HSPG2: variants seen among roughly 807,000 people sequenced by gnomAD.
The protein encoded by HSPG2 is basement membrane-specific heparan sulfate proteoglycan core protein.
HSPG2 carries 278 observed loss-of-function variants against 526.6 expected under a neutral mutation model. The ratio of observed to expected loss-of-function variants is 0.53; its 90% CI spans 0.48 to 0.58. HSPG2 has a LOEUF of 0.58. Ranked by LOEUF, HSPG2 falls within the 20% of genes least tolerant of loss-of-function variation. The probability of loss-of-function intolerance (pLI) is 0.00; values close to 1 mark genes in which losing one functional copy is unlikely to be tolerated. For synonymous variants in HSPG2, 2,465 were observed against 2,555.4 expected, an observed-to-expected ratio of 0.96 and a Z score of 1.07; for missense variants, 5,354 against 6,099.5, an observed-to-expected ratio of 0.88 and a Z score of 4.07.
At chr1:21,851,998 G>A (rs746540687) in intron 53 of HSPG2, 72 bp from the exon 54 acceptor site, 62 of 1,610,126 alleles carry the variant, frequency 3.9e-5, no homozygotes, top group Non-Finnish European at 4.6e-5. Flanking sequence ...CTGTCCCCCC[G>A]ATCTAGGAAG....
At position 21,852,782 on chromosome 1, in the gene HSPG2, G is replaced by T; in HGVS notation, c.6642C>A (p.Gly2214=). ...RLHQVTPADS[G]EYVCHVVGTS... is the part of the protein sequence containing the mutation. ...TGCCCACCACATGGCACACATACTC[G>T]CCTGAGTCGGCCGGGGTCACCTGGT... Residue 2214 remains glycine (G), a synonymous_variant, in exon 52 of 97, where the codon GGC becomes GGA. Transcript: ENST00000374695. The T allele has an allele frequency of 1.2e-6, 2 of 1,612,972 alleles. No individual in the cohort carries two copies. The highest frequency in any genetic ancestry group is 1.7e-4 in the Middle Eastern group (1 of 6,020).
rs570314147 is a variant in HSPG2 at position 21,870,486 on chromosome 1, G to A, written c.4221+1700C>T. ...GGCACCCAAGGGTTAACTCCAGGCC[G>A]CCCACATGCACACAGAGGGTTCATG... On this transcript the variant is annotated intron_variant, in intron 33 of 96. Coordinates refer to ENST00000374695, the MANE Select transcript of HSPG2 (RefSeq NM_005529.7). Among the ~76,000 whole-genome samples, 7 of 152,270 alleles carry A rather than the reference G, an allele frequency of 4.6e-5. No individual in the cohort carries two copies. In the East Asian group the frequency reaches 7.7e-4, roughly 17 times the overall value.
chr1:21,868,890 C>T (rs1037433085), intron 33 of HSPG2: 3 of 970,798 alleles, frequency 3.1e-6, no homozygotes, highest in African/African-American at 1.8e-5. Context: ...GTTACCTTGT[C>T]CCCCAGGAAG....
intron 64 of HSPG2, among the ~76,000 whole-genome samples, chr1:21,845,647 T>C (rs1165651134): frequency 1.3e-5 from 2 of 152,200 alleles, no homozygotes; most frequent in Non-Finnish European, 2.9e-5. Context: ...CCCAAAGTGC[T>C]GGGATTCAGG....
In HSPG2 at chr1:21,833,255, C is replaced by A. The variant is rs755030188; in HGVS notation, c.11095+13G>T. 6.2e-7 allele frequency: 1 copy of A among 1,610,130 alleles called. No individual in the cohort carries two copies. Among genetic ancestry groups the A allele is most frequent in the Non-Finnish European group, 8.5e-7 (1 of 1,176,420 alleles). Reference sequence around the variant, plus strand: ...CAGGCCAGCCCACCCCGCAAATTAACCCTCCTGCTCACCATCGGCTGAGTC... The same window carrying A: ...CAGGCCAGCCCACCCCGCAAATTAAACCTCCTGCTCACCATCGGCTGAGTC... On this transcript the variant is annotated intron_variant, in intron 80 of 96. Transcript: ENST00000374695.
chr1:21,861,611 G>T, intron 39 of HSPG2, 146 bp downstream of exon 39: 1 of 790,254 alleles, frequency 1.3e-6, no homozygotes, highest in Non-Finnish European at 2.1e-6. Flanking sequence ...CTTGTCCCAA[G>T]AGCAATGAGG....
chr1:21,871,672 G>C (rs1380867464), intron 33 of HSPG2, among the ~76,000 whole-genome samples: 2 of 152,146 alleles, frequency 1.3e-5, no homozygotes, highest in Non-Finnish European at 2.9e-5. Flanking sequence ...TTATGAAATG[G>C]GGCAGTAGCA....
At chr1:21,935,722 G>A (rs568320378) in intron 1 of HSPG2, among the ~76,000 whole-genome samples, 85 of 152,370 alleles carry the variant, frequency 5.6e-4, no homozygotes, top group African/African-American at 2.0e-3. Context: ...AGGAAAGACT[G>A]TTGGGCCTCG....
At position 21,878,181 on chromosome 1, in the gene HSPG2, C is replaced by T. The variant is rs765235124; in HGVS notation, c.2685+5G>A. On this transcript the variant is annotated splice_donor_5th_base_variant and intron_variant, in intron 21 of 96. Transcript: ENST00000374695. Reference sequence around the variant, plus strand: ...CCCTGGGTGGGTGGCAGATGGCACGCGTACCTTACAGCGGCAGGCCTCCCC... The same window carrying T: ...CCCTGGGTGGGTGGCAGATGGCACGTGTACCTTACAGCGGCAGGCCTCCCC... 51 of 1,613,382 alleles carry T rather than the reference C, an allele frequency of 3.2e-5. No individual in the cohort carries two copies. Among genetic ancestry groups the T allele is most frequent in the South Asian group, 6.6e-5 (6 of 91,034 alleles).
chr1:21,871,829 G>A (rs919665135), intron 33 of HSPG2, among the ~76,000 whole-genome samples: 4 of 152,226 alleles, frequency 2.6e-5, no homozygotes, highest in East Asian at 1.9e-4. Flanking sequence ...AAGTCGGAGC[G>A]GGCACGTGAA....
rs147334960 is a variant in HSPG2, at chr1:21,872,770, C to A, written c.3889-10G>T. 11 of 1,606,886 alleles carry A rather than the reference C, an allele frequency of 6.8e-6. No individual in the cohort carries two copies. The highest frequency in any genetic ancestry group is 1.7e-4 in the Middle Eastern group (1 of 6,034). Reference sequence around the variant, plus strand: ...GGCCTTCCACCTGGGCCTGGGTAGACGGATGGAAGGAGGCAGGCAGGGGAC... The same window carrying A: ...GGCCTTCCACCTGGGCCTGGGTAGAAGGATGGAAGGAGGCAGGCAGGGGAC... On this transcript the variant is annotated splice_polypyrimidine_tract_variant and intron_variant, in intron 31 of 96. Coordinates refer to ENST00000374695, the MANE Select transcript of HSPG2 (RefSeq NM_005529.7). The surrounding 1 kb of genome is among the most constrained non-coding windows in gnomAD (Gnocchi z 5.5).
At chr1:21,913,673 G>A (rs1422917805) in intron 1 of HSPG2, among the ~76,000 whole-genome samples, 1 of 152,234 alleles carries the variant, frequency 6.6e-6, no homozygotes, top group Non-Finnish European at 1.5e-5. Flanking sequence ...AGCCATCCTA[G>A]GAAATGTGTG....
intron 44 of HSPG2, among the ~76,000 whole-genome samples, chr1:21,856,781 A>T (rs1017711892): frequency 1.3e-5 from 2 of 152,094 alleles, no homozygotes; most frequent in African/African-American, 4.8e-5. Flanking sequence ...ATGTGTAGTT[A>T]TCTTGCTTGT....
chr1:21,847,429 G>T lies in HSPG2; in HGVS notation c.8089C>A (p.Arg2697=), dbSNP rs779348253. The change falls in exon 62 of 97, where the codon CGG becomes AGG. Residue 2697 remains arginine (R), a synonymous_variant. Coordinates refer to ENST00000374695, the MANE Select transcript of HSPG2 (RefSeq NM_005529.7). This position sits in a 1 kb window ranked among gnomAD's most constrained non-coding sequence, Gnocchi z 4.1. ...AGGGCATCGATGTTGTTGTTGGCCC[G>T]GCACACATACTCGCCCGAGTCAGCC... is the stretch of plus-strand genomic sequence containing the variant. The part of the protein sequence containing the change: ...SVADSGEYVC[R]ANNNIDALEA... 3 of 1,613,812 alleles carry T rather than the reference G, an allele frequency of 1.9e-6. No individual in the cohort carries two copies. The highest frequency in any genetic ancestry group is 2.5e-6 in the Non-Finnish European group (3 of 1,180,028).
At chr1:21,885,540 A>C in intron 9 of HSPG2, 89 bp from the exon 10 acceptor site, 1 of 1,506,694 alleles carries the variant, frequency 6.6e-7, no homozygotes. Flanking sequence ...TTGCCCACAT[A>C]ACCCACAGCG....
intron 1 of HSPG2, among the ~76,000 whole-genome samples, chr1:21,924,048 C>T (rs984968209): frequency 6.6e-6 from 1 of 152,130 alleles, no homozygotes; most frequent in Non-Finnish European, 1.5e-5. Flanking sequence ...GGACAGAGCA[C>T]GGCAGGAGAG....
chr1:21,871,358 C>T (rs550496512), intron 33 of HSPG2, among the ~76,000 whole-genome samples: 2 of 149,180 alleles, frequency 1.3e-5, no homozygotes, highest in South Asian at 2.1e-4. Context: ...ATCCTGGGTA[C>T]CAGCGATCCT....
chr1:21,873,080 C>A lies in HSPG2; in HGVS notation c.3805G>T (p.Val1269Leu). Residue 1269 changes from valine to leucine, a missense_variant, in exon 31 of 97, where the codon GTG (valine) becomes TTG (leucine). Transcript: ENST00000374695. The stretch of plus-strand genomic sequence containing the variant: ...CAGTTGCAGCCTATGGGCCCTGGCA[C>A]CTGGCTGTCTCCTGAGGTGGAAGAA... ...QGQPCQRDSQ[V>L]PGPIGCNCDP... The A allele has an allele frequency of 1.9e-6, 3 of 1,601,042 alleles. No homozygotes were observed. The highest frequency in any genetic ancestry group is 2.5e-6 in the Non-Finnish European group (3 of 1,179,862).
chr1:21,887,400 G>A lies in HSPG2; in HGVS notation c.958+20C>T. 1 of 1,613,924 alleles carries A rather than the reference G, an allele frequency of 6.2e-7. No homozygotes were observed. Among genetic ancestry groups the A allele is most frequent in the Non-Finnish European group, 8.5e-7 (1 of 1,179,930 alleles). Reference sequence around the variant, plus strand: ...AGCTTCCTGCTCCCCGCACCCACCTGCACCCCTGCCGGTGCGCACCACAGT... The same window carrying A: ...AGCTTCCTGCTCCCCGCACCCACCTACACCCCTGCCGGTGCGCACCACAGT... On this transcript the variant is annotated intron_variant, in intron 8 of 96. Transcript: ENST00000374695. This position sits in a 1 kb window ranked among gnomAD's most constrained non-coding sequence, Gnocchi z 5.0.
Sources: allele counts gnomAD v4.1 joint callset (sites outside exome capture counted in the v4.1 genomes callset), GRCh38; gene constraint gnomAD v4.1.1; non-coding constraint Gnocchi (gnomAD v3.1); transcripts MANE v1.5; gene names NCBI Gene and HGNC (gene_info 2026-07-23, HGNC 2026-07-21).